The following PCNX2 variants were observed in gnomAD, a reference collection of about 807,000 sequenced individuals.
PCNX2 encodes the protein pecanex-like protein 2.
A neutral mutation model predicts 223.8 loss-of-function variants in PCNX2; 168 were observed. That is an observed-to-expected ratio of 0.75 (90% confidence interval 0.66 to 0.85). The LOEUF (loss-of-function observed/expected upper bound fraction) is 0.85, where lower values mean the gene tolerates loss of function less well. Ranked by LOEUF, PCNX2 falls within the 40% of genes least tolerant of loss-of-function variation. The probability of loss-of-function intolerance (pLI) is 0.00; values close to 1 mark genes in which losing one functional copy is unlikely to be tolerated. For synonymous variants in PCNX2, 1,006 were observed against 1,052.6 expected (o/e 0.96, Z 0.86); for missense variants, 2,507 against 2,675.5 (o/e 0.94, Z 1.39).
At chr1:233,022,924 C>T (rs186344663) in intron 26 of PCNX2, among the ~76,000 whole-genome samples, 58 of 152,052 alleles carry the variant, frequency 3.8e-4, no homozygotes, top group African/African-American at 1.3e-3. Flanking sequence ...CTTGAACTCC[C>T]GACCTCAAGT....
intron 1 of PCNX2, chr1:233,291,757 C>G: frequency 2.0e-6 from 2 of 978,060 alleles, no homozygotes; most frequent in Non-Finnish European, 2.4e-6. Flanking sequence ...ATTATCATCT[C>G]AAAAGAATAA....
intron 25 of PCNX2, among the ~76,000 whole-genome samples, chr1:233,037,486 A>G (rs1380445472): frequency 7.1e-6 from 1 of 140,276 alleles, no homozygotes; most frequent in Non-Finnish European, 1.6e-5. Context: ...AGGCACAACC[A>G]CACCTACCTG....
intron 25 of PCNX2, among the ~76,000 whole-genome samples, chr1:233,041,755 T>G (rs1318679835): frequency 2.0e-5 from 3 of 152,248 alleles, no homozygotes; most frequent in Non-Finnish European, 4.4e-5. Context: ...ACTATATTAA[T>G]GGTGTGTCAC....
At chr1:233,288,514 C>T (rs758360631) in intron 1 of PCNX2, among the ~76,000 whole-genome samples, 7 of 152,174 alleles carry the variant, frequency 4.6e-5, no homozygotes, top group Non-Finnish European at 1.0e-4. Flanking sequence ...CACCGACATG[C>T]ATGTATCTAA....
chr1:233,014,659 A>C lies in PCNX2; in HGVS notation c.4952+6T>G. ...CTAAGAGATTCTAACTTCTCCCCCC[A>C]GGTACCTGATGGCCATATTGTGAGC... On this transcript the variant is annotated splice_donor_region_variant and intron_variant, in intron 28 of 33. Transcript: ENST00000258229. 1 of 1,611,488 alleles carries C rather than the reference A, an allele frequency of 6.2e-7. No homozygotes were observed. The highest frequency in any genetic ancestry group is 8.5e-7 in the Non-Finnish European group (1 of 1,177,636).
intron 23 of PCNX2, among the ~76,000 whole-genome samples, chr1:233,088,277 G>A (rs773037638): frequency 5.3e-5 from 8 of 152,278 alleles, no homozygotes; most frequent in East Asian, 1.9e-4. Context: ...CCAGAAAGAC[G>A]GATTCCCTAT....
intron 9 of PCNX2, 77 bp from the exon 10 acceptor site, chr1:233,227,448 G>T: frequency 8.2e-7 from 1 of 1,212,270 alleles, no homozygotes; most frequent in Non-Finnish European, 1.1e-6. Flanking sequence ...ATATATATAT[G>T]TATACACACA....
At chr1:233,147,912 T>C (rs1394015066) in intron 19 of PCNX2, among the ~76,000 whole-genome samples, 3 of 152,208 alleles carry the variant, frequency 2.0e-5, no homozygotes, top group Non-Finnish European at 4.4e-5. Context: ...AAAAAATCTT[T>C]TGGGGAACTG....
rs145506490 is a variant in PCNX2 at position 233,012,958 on chromosome 1, C to T, written c.4952+1707G>A. ...CTTCTCAAACACTGTTCTCTGCTTA[C>T]AGTTTAATAAGGAGCCCGATCTTAG... On this transcript the variant is annotated intron_variant, in intron 28 of 33. Coordinates refer to ENST00000258229, the MANE Select transcript of PCNX2 (RefSeq NM_014801.4). 4.6e-4 allele frequency among the ~76,000 whole-genome samples: 70 copies of T among 152,298 alleles called. No individual in the cohort carries two copies. In the East Asian group the frequency reaches 0.013, roughly 29 times the overall value.
In PCNX2 at chr1:233,025,384, T is replaced by C. The variant is rs1671048009; in HGVS notation, c.4367A>G (p.Gln1456Arg). 1.2e-6 allele frequency: 2 copies of C among 1,613,802 alleles called. No homozygotes were observed. The highest frequency in any genetic ancestry group is 2.7e-5 in the African/African-American group (2 of 74,924). The change falls in exon 26 of 34, where the codon CAG (glutamine) becomes CGG (arginine). Residue 1456 changes from glutamine to arginine, a missense_variant. Physicochemically the swap from Gln to Arg is conservative, Grantham distance 43. Around this residue, in one of 3 missense-constraint regions of PCNX2, gnomAD observed 1,372 missense variants for 1,509.4 expected, o/e 0.91. Coordinates refer to ENST00000258229, the MANE Select transcript of PCNX2 (RefSeq NM_014801.4). The stretch of plus-strand genomic sequence containing the variant: ...CTCCATGATGGCTTCTACCTCCCTC[T>C]GCTGGCAGTAGGTTCCTGGCCGAGC... ...GLEFRGTYCQ[Q>R]REVEAIMEGD...
intron 28 of PCNX2, among the ~76,000 whole-genome samples, chr1:233,005,587 C>T (rs1376960343): frequency 2.0e-5 from 3 of 152,212 alleles, no homozygotes; most frequent in African/African-American, 7.2e-5. Context: ...TAGAATTCCA[C>T]TAGATCAGGG....
At chr1:233,104,404 C>A (rs142584340) in intron 21 of PCNX2, among the ~76,000 whole-genome samples, 11 of 152,058 alleles carry the variant, frequency 7.2e-5, no homozygotes, top group Non-Finnish European at 1.3e-4. Flanking sequence ...AATATTGAGG[C>A]TTTTACTCAA....
chr1:233,243,086 G>C (rs747483938), intron 8 of PCNX2, among the ~76,000 whole-genome samples: 1 of 152,200 alleles, frequency 6.6e-6, no homozygotes, highest in African/African-American at 2.4e-5. Context: ...CACAAGAACC[G>C]CACTGGTTCC....
intron 21 of PCNX2, among the ~76,000 whole-genome samples, chr1:233,098,600 G>A (rs866747784): frequency 1.3e-5 from 2 of 151,842 alleles, no homozygotes; most frequent in Non-Finnish European, 2.9e-5. Flanking sequence ...AGACTCCACT[G>A]TTCTCAATCA....
chr1:233,025,423 A>T (rs1422618736), intron 25 of PCNX2, 24 bp from the exon 26 acceptor site: 1 of 1,610,414 alleles, frequency 6.2e-7, no homozygotes, highest in Non-Finnish European at 8.5e-7. Context: ...AACATGAAGG[A>T]AGTTTGAAGA....
chr1:233,216,857 T>G (rs1157227578), intron 12 of PCNX2, among the ~76,000 whole-genome samples: 1 of 152,092 alleles, frequency 6.6e-6, no homozygotes, highest in Non-Finnish European at 1.5e-5. Flanking sequence ...TATATATATA[T>G]AATAGGAATA....
intron 23 of PCNX2, among the ~76,000 whole-genome samples, chr1:233,083,052 C>G (rs111519272): frequency 6.6e-6 from 1 of 152,304 alleles, no homozygotes; most frequent in African/African-American, 2.4e-5. Context: ...GAAGGGTCAG[C>G]TCAGCAAATA....
the PCNX2 span, among the ~76,000 whole-genome samples, chr1:233,317,903 A>T: frequency 2.0e-5 from 3 of 152,254 alleles, no homozygotes; most frequent in African/African-American, 7.2e-5. Flanking sequence ...GGCGAAGCCA[A>T]GATTGGAGTC....
At chr1:233,108,892 C>A (rs994947635) in intron 21 of PCNX2, among the ~76,000 whole-genome samples, 13 of 152,056 alleles carry the variant, frequency 8.5e-5, no homozygotes, top group Non-Finnish European at 1.3e-4. Flanking sequence ...CGTGTCCCAC[C>A]CCCTGCCACC....
Sources: allele counts gnomAD v4.1 joint callset (sites outside exome capture counted in the v4.1 genomes callset), GRCh38; gene constraint gnomAD v4.1.1; regional missense constraint gnomAD v4.1.1; transcripts MANE v1.5; gene names NCBI Gene and HGNC (gene_info 2026-07-23, HGNC 2026-07-21).